CCSER1: variants seen among roughly 807,000 people sequenced by gnomAD.
The protein encoded by CCSER1 is serine-rich coiled-coil domain-containing protein 1.
Under a neutral mutation model 82.0 loss-of-function variants are expected in CCSER1, and 41 were observed. That is an observed-to-expected ratio of 0.50 (90% CI 0.39 to 0.65). The LOEUF (loss-of-function observed/expected upper bound fraction) is 0.65. Among genes scored for constraint, CCSER1 ranks in the 30% least tolerant of loss-of-function variants. The pLI is 0.00. For missense variants in CCSER1, 1,119 were observed against 1,064.2 expected, an observed-to-expected ratio of 1.05 and a Z score of -0.72; for synonymous variants, 414 against 383.9, an observed-to-expected ratio of 1.08 and a Z score of -0.92.
chr4:90,745,980 G>C (rs62312985), intron 7 of CCSER1, among the ~76,000 whole-genome samples: 8,647 of 152,008 alleles, frequency 0.057, 355 homozygotes, highest in Admixed American at 0.11. Flanking sequence ...GGTTACAGGC[G>C]TGAGCCACCA....
At chr4:91,451,223 T>C (rs2149419603) in intron 10 of CCSER1, among the ~76,000 whole-genome samples, 1 of 152,038 alleles carries the variant, frequency 6.6e-6, no homozygotes, top group Non-Finnish European at 1.5e-5. Flanking sequence ...TTCCAAAACA[T>C]CCCACCTCCT....
intron 7 of CCSER1, among the ~76,000 whole-genome samples, chr4:90,733,125 T>C (rs565975284): frequency 1.3e-5 from 2 of 152,322 alleles, no homozygotes; most frequent in Non-Finnish European, 2.9e-5. Flanking sequence ...GCATAGTAAT[T>C]GTACAAATTT....
chr4:90,359,855 ATATATATGTGTATATATATGTGTG>A (rs940538188), intron 3 of CCSER1, among the ~76,000 whole-genome samples: 14 of 150,002 alleles, frequency 9.3e-5, no homozygotes, highest in East Asian at 7.9e-4. Flanking sequence ...ATATGTGTGT[ATATATATGTGTATATATATGTGTG>A]TATATATATG....
intron 9 of CCSER1, among the ~76,000 whole-genome samples, chr4:91,038,390 T>G (rs983696818): frequency 2.6e-5 from 4 of 152,106 alleles, no homozygotes; most frequent in Admixed American, 6.5e-5. Context: ...CTAGCTAATG[T>G]TCCTTAACCA....
intron 7 of CCSER1, 99 bp from the exon 8 acceptor site, chr4:90,815,663 C>G (rs1175275518): frequency 4.2e-6 from 3 of 714,906 alleles, no homozygotes; most frequent in Non-Finnish European, 6.8e-6. Flanking sequence ...TTTCGTTAGT[C>G]AGATGCAATT....
chr4:91,136,871 GACAC>G (rs940084240), intron 10 of CCSER1, among the ~76,000 whole-genome samples: 7 of 151,992 alleles, frequency 4.6e-5, no homozygotes, highest in African/African-American at 1.7e-4. Context: ...TACTGGCTAT[GACAC>G]ACACATTTGT....
chr4:90,489,359 C>T (rs745660539), intron 5 of CCSER1, among the ~76,000 whole-genome samples: 21 of 151,856 alleles, frequency 1.4e-4, no homozygotes, highest in Non-Finnish European at 2.2e-4. Context: ...AACTAGTGTG[C>T]TATTTTAAGA....
intron 10 of CCSER1, among the ~76,000 whole-genome samples, chr4:91,327,845 C>A (rs1166788025): frequency 6.6e-6 from 1 of 152,146 alleles, no homozygotes; most frequent in Non-Finnish European, 1.5e-5. Flanking sequence ...TACCCTAAAT[C>A]ATTTCTCTCA....
chr4:90,742,431 T>A (rs548260862), intron 7 of CCSER1, among the ~76,000 whole-genome samples: 2 of 152,314 alleles, frequency 1.3e-5, no homozygotes, highest in South Asian at 2.1e-4. Context: ...CCTATTACTA[T>A]GATTAGGTCC....
chr4:90,951,251 CA>C (rs1367318608), intron 9 of CCSER1: 8 of 151,952 alleles, frequency 5.3e-5, no homozygotes, highest in African/African-American at 1.9e-4. Context: ...GCCCTTAACA[CA>C]AAGCTTTTCC....
At chr4:90,774,704 A>G (rs1752670969) in intron 7 of CCSER1, among the ~76,000 whole-genome samples, 1 of 152,108 alleles carries the variant, frequency 6.6e-6, no homozygotes, top group African/African-American at 2.4e-5. Context: ...TGAAAGGTAC[A>G]TAATATCAAC....
intron 7 of CCSER1, among the ~76,000 whole-genome samples, chr4:90,790,913 T>C (rs1755136785): frequency 6.6e-6 from 1 of 152,170 alleles, no homozygotes; most frequent in South Asian, 2.1e-4. Context: ...GGTATCTTAA[T>C]AGCAGCACCC....
At chr4:90,754,284 A>T (rs1412239677) in intron 7 of CCSER1, among the ~76,000 whole-genome samples, 4 of 152,214 alleles carry the variant, frequency 2.6e-5, no homozygotes, top group East Asian at 1.9e-4. Context: ...TGCTAAAAAA[A>T]TTATTTCATG....
chr4:90,555,060 G>T (rs1156412767), intron 5 of CCSER1, among the ~76,000 whole-genome samples: 2 of 151,884 alleles, frequency 1.3e-5, no homozygotes, highest in East Asian at 3.9e-4. Flanking sequence ...TGTTCTCAGT[G>T]GGAAGTTTGC....
chr4:90,447,284 G>T (rs981902305), intron 4 of CCSER1, among the ~76,000 whole-genome samples: 2 of 151,962 alleles, frequency 1.3e-5, no homozygotes, highest in African/African-American at 4.8e-5. Context: ...ATATGTAGTG[G>T]TGCAAAAAGT....
chr4:91,120,379 C>T (rs556193736), intron 10 of CCSER1, among the ~76,000 whole-genome samples: 2 of 151,978 alleles, frequency 1.3e-5, no homozygotes, highest in South Asian at 4.2e-4. Flanking sequence ...ATGATGGATA[C>T]TGAAAGACAA....
At chr4:91,269,045 G>C (rs1560555528) in intron 10 of CCSER1, among the ~76,000 whole-genome samples, 2 of 152,024 alleles carry the variant, frequency 1.3e-5, no homozygotes, top group Non-Finnish European at 1.5e-5. Flanking sequence ...TAACAAACTG[G>C]GTAAAAAATT....
chr4:90,911,106 G>T (rs1200354090), intron 8 of CCSER1: 1 of 352,868 alleles, frequency 2.8e-6, no homozygotes, highest in African/African-American at 2.1e-5. Context: ...GAGAGAGCCA[G>T]CCTGTGTTCT....
At chr4:91,521,808 A>C (rs2110142609) in intron 10 of CCSER1, among the ~76,000 whole-genome samples, 1 of 152,202 alleles carries the variant, frequency 6.6e-6, no homozygotes, top group Non-Finnish European at 1.5e-5. Context: ...AGATTGCAAA[A>C]ATTTTCTCCC....
Sources: allele counts gnomAD v4.1 joint callset (sites outside exome capture counted in the v4.1 genomes callset), GRCh38; gene constraint gnomAD v4.1.1; transcripts MANE v1.5; gene names NCBI Gene and HGNC (gene_info 2026-07-23, HGNC 2026-07-21).